Variants in ALAS1 observed in about 807,000 individuals in gnomAD.
The protein encoded by ALAS1 is 5'-aminolevulinate synthase 1.
Under a neutral mutation model 59.6 loss-of-function variants are expected in ALAS1, and 29 were observed. The observed-to-expected ratio is 0.49, with a 90% CI of 0.36 to 0.66. ALAS1 has a LOEUF of 0.66. Among genes scored for constraint, ALAS1 ranks in the 30% least tolerant of loss-of-function variants. The pLI is 0.00. For synonymous variants in ALAS1, 299 were observed against 296.6 expected, an observed-to-expected ratio of 1.01 and a Z score of -0.08; for missense variants, 690 against 807.5, an observed-to-expected ratio of 0.85 and a Z score of 1.76.
intron 9 of ALAS1, among the ~76,000 whole-genome samples, chr3:52,209,181 G>C (rs1249947832): frequency 6.6e-6 from 1 of 152,170 alleles, no homozygotes; most frequent in African/African-American, 2.4e-5. Flanking sequence ...ACCTGATCAT[G>C]TGTCTTAATT....
chr3:52,210,685 G>A (rs1464558158), intron 9 of ALAS1, among the ~76,000 whole-genome samples: 4 of 152,104 alleles, frequency 2.6e-5, no homozygotes, highest in South Asian at 4.1e-4. Context: ...AGGCTGAGGC[G>A]GAAGGAATAC....
intron 9 of ALAS1, among the ~76,000 whole-genome samples, chr3:52,209,282 A>ACT (rs1699357148): frequency 6.6e-6 from 1 of 151,894 alleles, no homozygotes; most frequent in Non-Finnish European, 1.5e-5. Flanking sequence ...ATCTCAGCTC[A>ACT]CTGCAAGCTC....
At chr3:52,206,817 A>T in intron 8 of ALAS1, 66 bp downstream of exon 8, 1 of 1,508,852 alleles carries the variant, frequency 6.6e-7, no homozygotes, top group Non-Finnish European at 9.0e-7. Context: ...CTTTAAAAGT[A>T]TGGTGTTTTG....
In ALAS1 at chr3:52,211,464, C is replaced by T. The variant is rs2107282309; in HGVS notation, c.1512C>T (p.His504=). 2 of 1,614,230 alleles carry T rather than the reference C, an allele frequency of 1.2e-6. No individual in the cohort carries two copies. Among genetic ancestry groups the T allele is most frequent in the East Asian group, 4.5e-5 (2 of 44,892 alleles). The change falls in exon 10 of 12, where the codon CAC becomes CAT. Residue 504 remains histidine (H), a synonymous_variant. Transcript: ENST00000484952. The stretch of plus-strand genomic sequence containing the variant: ...AGGGACGGGTGCTTCGCCGCCAGCA[C>T]CAGCGCAACGTCAAACTCATGAGAC... ...SAEGRVLRRQ[H]QRNVKLMRQM...
At position 52,204,828 on chromosome 3, in the gene ALAS1, C is replaced by G; in HGVS notation, c.713C>G (p.Ser238Cys). The G allele has an allele frequency of 1.9e-6, 3 of 1,614,206 alleles. No homozygotes were observed. Among genetic ancestry groups the G allele is most frequent in the Non-Finnish European group, 2.5e-6 (3 of 1,180,036 alleles). The change falls in exon 6 of 12, where the codon TCC (serine) becomes TGC (cysteine). Residue 238 changes from serine (S) to cysteine (C), a missense_variant. Ser to Cys is a moderately radical substitution (Grantham distance 112, BLOSUM62 -1). Coordinates refer to ENST00000484952, the MANE Select transcript of ALAS1 (RefSeq NM_000688.6). ...CCCATGGCAGATGACTATTCAGACT[C>G]CCTCATCACCAAAAAGCAAGTGTCA... ...IFPMADDYSD[S>C]LITKKQVSVW...
At chr3:52,213,900 G>C in intron 11 of ALAS1, 120 bp from the exon 12 acceptor site, 1 of 909,184 alleles carries the variant, frequency 1.1e-6, no homozygotes, top group South Asian at 1.9e-5. Context: ...TGTTTCTCTT[G>C]TTAACTATTA....
rs1312293302 is a variant in ALAS1 at position 52,198,224 on chromosome 3, C to T, written c.-241C>T. The stretch of plus-strand genomic sequence containing the variant: ...ACTTCTCGACTTGAGTGCCCGCCTC[C>T]TTCGCCGCCGCCTCTGCAGTCCTCA... On this transcript the variant is annotated 5_prime_UTR_variant, in exon 1 of 12. Transcript: ENST00000484952. 3 of 398,874 alleles carry T rather than the reference C, an allele frequency of 7.5e-6. No homozygotes were observed. Among genetic ancestry groups the T allele is most frequent in the Non-Finnish European group, 1.3e-5 (3 of 226,196 alleles). 24.7% of individuals were successfully genotyped at this position (398,874 alleles called of 1,614,324 possible).
At chr3:52,198,090 A>G (rs976315951), upstream of ALAS1, 2 of 397,554 alleles carry the variant, frequency 5.0e-6, no homozygotes, top group African/African-American at 2.1e-5. Context: ...GCGCAGAAGA[A>G]GGCAGCGCCC....
At position 52,199,454 on chromosome 3, in the gene ALAS1, A is replaced by G. The variant is rs779391579; in HGVS notation, c.199+14A>G. On this transcript the variant is annotated intron_variant, in intron 3 of 11. Transcript: ENST00000484952. ...CGGCCAGTGAGAGTAAGTGTCATTG[A>G]CAATGAAGGAGCAGGTATGGGTGTT... The G allele has an allele frequency of 1.2e-6, 2 of 1,610,010 alleles. No individual in the cohort carries two copies. Among genetic ancestry groups the G allele is most frequent in the South Asian group, 2.2e-5 (2 of 90,916 alleles).
intron 3 of ALAS1, 147 bp from the exon 4 acceptor site, chr3:52,202,360 C>CAA: frequency 2.8e-6 from 2 of 708,590 alleles, no homozygotes; most frequent in South Asian, 3.8e-5. Context: ...AAAAACAAAA[C>CAA]AAAACAAAAA....
upstream of ALAS1, chr3:52,198,140 G>T (rs1699105365): frequency 2.5e-6 from 1 of 398,422 alleles, no homozygotes; most frequent in East Asian, 3.6e-5. Flanking sequence ...GTATATTAAG[G>T]CGCCGGCGAT....
At chr3:52,211,579 C>T in intron 10 of ALAS1, 28 bp downstream of exon 10, 3 of 1,609,952 alleles carry the variant, frequency 1.9e-6, no homozygotes, top group Non-Finnish European at 2.5e-6. Context: ...ATTGGACTTG[C>T]CGTGGGGTGT....
intron 3 of ALAS1, among the ~76,000 whole-genome samples, chr3:52,200,571 T>TA (rs1181349215): frequency 6.6e-6 from 1 of 152,180 alleles, no homozygotes; most frequent in African/African-American, 2.4e-5. Context: ...ACCCCACTGT[T>TA]ACAAAAAATA....
chr3:52,206,536 T>G (rs1272337350), intron 7 of ALAS1, 36 bp from the exon 8 acceptor site: 1 of 1,594,778 alleles, frequency 6.3e-7, no homozygotes, highest in Non-Finnish European at 8.6e-7. Flanking sequence ...TTGTCTTCGA[T>G]GCACATGGCA....
intron 3 of ALAS1, 56 bp downstream of exon 3, chr3:52,199,496 C>G (rs929067882): frequency 1.3e-6 from 2 of 1,529,612 alleles, no homozygotes; most frequent in Admixed American, 1.8e-5. Flanking sequence ...CATTGGTAGA[C>G]TAGAAGCAGT....
intron 9 of ALAS1, among the ~76,000 whole-genome samples, chr3:52,209,721 T>G (rs144941742): frequency 6.6e-6 from 1 of 152,204 alleles, no homozygotes; most frequent in East Asian, 1.9e-4. Flanking sequence ...TGAGACAGGC[T>G]CTCACTCTGT....
At chr3:52,207,787 A>G (rs1699324801) in intron 8 of ALAS1, among the ~76,000 whole-genome samples, 1 of 152,056 alleles carries the variant, frequency 6.6e-6, no homozygotes, top group African/African-American at 2.4e-5. Flanking sequence ...CTCCATCCGT[A>G]TTGCTGTAAA....
intron 11 of ALAS1, among the ~76,000 whole-genome samples, chr3:52,213,276 T>C (rs1029339557): frequency 3.3e-5 from 5 of 152,204 alleles, no homozygotes; most frequent in African/African-American, 1.2e-4. Context: ...CGAAGGTACA[T>C]TGCCTTCCCA....
At chr3:52,205,125 G>C (rs1476190280) in intron 6 of ALAS1, among the ~76,000 whole-genome samples, 1 of 152,160 alleles carries the variant, frequency 6.6e-6, no homozygotes, top group African/African-American at 2.4e-5. Flanking sequence ...AACTTGTGAG[G>C]GTTCAAGCTT....
Sources: gnomAD v4.1 joint callset for allele counts (sites outside exome capture counted in the v4.1 genomes callset) on GRCh38, gnomAD v4.1.1 for gene constraint, MANE v1.5 for transcripts, NCBI Gene and HGNC (gene_info 2026-07-23, HGNC 2026-07-21) for gene names.